The following CNTN5 variants were observed in gnomAD, a reference collection of about 807,000 sequenced individuals.
CNTN5 encodes contactin 5.
A neutral mutation model predicts 129.1 loss-of-function variants in CNTN5; 77 were observed. The ratio of observed to expected loss-of-function variants is 0.60; its 90% CI spans 0.50 to 0.72. The LOEUF is 0.72. CNTN5 is among the 30% of genes least tolerant of loss of function. The pLI is 0.00. For missense variants in CNTN5, 1,478 were observed against 1,328.8 expected (o/e 1.11, Z -1.75); for synonymous variants, 509 against 465.6 (o/e 1.09, Z -1.20).
At chr11:99,202,028 A>G (rs1488150679) in intron 1 of CNTN5, among the ~76,000 whole-genome samples, 1 of 152,230 alleles carries the variant, frequency 6.6e-6, no homozygotes, top group Non-Finnish European at 1.5e-5. Context: ...TAGAAATGCC[A>G]CATTAAGATG....
intron 13 of CNTN5, among the ~76,000 whole-genome samples, chr11:100,079,778 C>G (rs537402718): frequency 8.5e-5 from 13 of 152,162 alleles, no homozygotes; most frequent in Non-Finnish European, 1.5e-4. Flanking sequence ...TAATAAACTC[C>G]AGAAGTACTA....
chr11:99,891,987 C>T (rs897253169), intron 6 of CNTN5, among the ~76,000 whole-genome samples: 1 of 152,186 alleles, frequency 6.6e-6, no homozygotes, highest in African/African-American at 2.4e-5. Flanking sequence ...TCCTCTCCAG[C>T]ATCTGTCGTT....
At chr11:99,028,605 C>A (rs1035339860) in intron 1 of CNTN5, among the ~76,000 whole-genome samples, 1 of 151,852 alleles carries the variant, frequency 6.6e-6, no homozygotes, top group African/African-American at 2.4e-5. Flanking sequence ...CCAAGATTCA[C>A]CTAACCACTT....
intron 1 of CNTN5, among the ~76,000 whole-genome samples, chr11:99,295,245 G>T (rs535363482): frequency 2.6e-5 from 4 of 152,300 alleles, no homozygotes; most frequent in African/African-American, 4.8e-5. Flanking sequence ...CTACTCACTT[G>T]ACTAAGTAGT....
intron 13 of CNTN5, among the ~76,000 whole-genome samples, chr11:100,169,985 C>T (rs2138402987): frequency 6.6e-6 from 1 of 151,966 alleles, no homozygotes; most frequent in African/African-American, 2.4e-5. Context: ...ATTTCTTATC[C>T]TTGAGGTCTT....
At chr11:99,680,386 T>C (rs1197970499) in intron 3 of CNTN5, among the ~76,000 whole-genome samples, 3 of 152,142 alleles carry the variant, frequency 2.0e-5, no homozygotes, top group Non-Finnish European at 2.9e-5. Flanking sequence ...AGTGCTCATA[T>C]ACCATTCCAA....
chr11:99,750,108 CTGTTA>C (rs1179826631), intron 3 of CNTN5, among the ~76,000 whole-genome samples: 1 of 152,126 alleles, frequency 6.6e-6, no homozygotes, highest in Middle Eastern at 3.2e-3. Flanking sequence ...ATTCTTGTGT[CTGTTA>C]TAATAGCTAG....
chr11:99,837,085 T>C (rs891001729), intron 4 of CNTN5, among the ~76,000 whole-genome samples: 2 of 152,156 alleles, frequency 1.3e-5, no homozygotes, highest in African/African-American at 4.8e-5. Flanking sequence ...TCCTGTCTTA[T>C]TTGTGACTGA....
At chr11:99,453,864 T>C (rs1037341333) in intron 2 of CNTN5, among the ~76,000 whole-genome samples, 1 of 152,174 alleles carries the variant, frequency 6.6e-6, no homozygotes, top group African/African-American at 2.4e-5. Flanking sequence ...CATATCTCCT[T>C]TGGGAATGGG....
intron 1 of CNTN5, among the ~76,000 whole-genome samples, chr11:99,081,113 T>C (rs1443702254): frequency 6.6e-6 from 1 of 151,914 alleles, no homozygotes; most frequent in Non-Finnish European, 1.5e-5. Flanking sequence ...GTTCATGGAA[T>C]AGTATTTAAA....
chr11:100,158,154 T>G (rs1454657320), intron 13 of CNTN5, among the ~76,000 whole-genome samples: 1 of 151,826 alleles, frequency 6.6e-6, no homozygotes, highest in Non-Finnish European at 1.5e-5. Context: ...AAAGATGAGT[T>G]GTTTGAACTA....
chr11:99,841,519 A>G (rs80265519), intron 4 of CNTN5, among the ~76,000 whole-genome samples: 2,572 of 151,850 alleles, frequency 0.017, 87 homozygotes, highest in East Asian at 0.13. Context: ...TAGATAATAT[A>G]TATACATATA....
intron 3 of CNTN5, among the ~76,000 whole-genome samples, chr11:99,753,127 T>C (rs908955002): frequency 4.2e-5 from 6 of 142,232 alleles, no homozygotes; most frequent in Non-Finnish European, 9.1e-5. Context: ...TGCTTTTTTT[T>C]TTTTTTTTTT....
chr11:100,116,674 A>G (rs544958533), intron 13 of CNTN5, among the ~76,000 whole-genome samples: 1 of 152,120 alleles, frequency 6.6e-6, no homozygotes, highest in African/African-American at 2.4e-5. Context: ...CTGTATAATG[A>G]TAATATAATA....
intron 7 of CNTN5, among the ~76,000 whole-genome samples, chr11:99,939,670 A>G (rs1311743239): frequency 6.6e-6 from 1 of 152,098 alleles, no homozygotes; most frequent in Non-Finnish European, 1.5e-5. Flanking sequence ...TAGGGCCCAA[A>G]TCACTACCAA....
intron 2 of CNTN5, among the ~76,000 whole-genome samples, chr11:99,327,715 T>C (rs1022864313): frequency 6.6e-6 from 1 of 152,228 alleles, no homozygotes; most frequent in African/African-American, 2.4e-5. Flanking sequence ...TTCATATACT[T>C]GCACCTAATC....
chr11:100,300,871 T>C (rs1414286296), intron 20 of CNTN5, among the ~76,000 whole-genome samples: 1 of 151,622 alleles, frequency 6.6e-6, no homozygotes, highest in Non-Finnish European at 1.5e-5. Context: ...TTATCTAATG[T>C]AAAGGTTAAA....
At chr11:99,875,115 G>C (rs898640974) in intron 6 of CNTN5, among the ~76,000 whole-genome samples, 3 of 152,082 alleles carry the variant, frequency 2.0e-5, no homozygotes, top group Admixed American at 1.3e-4. Context: ...GAGGATTATA[G>C]TTTTCTTAAT....
chr11:99,565,913 TTTAGGTC>T (rs1948990344), intron 3 of CNTN5, among the ~76,000 whole-genome samples: 1 of 152,308 alleles, frequency 6.6e-6, no homozygotes, highest in African/African-American at 2.4e-5. Flanking sequence ...ATGACATCCG[TTTAGGTC>T]ATACAGAGTG....
Sources: gnomAD v4.1 joint callset for allele counts (sites outside exome capture counted in the v4.1 genomes callset) on GRCh38, gnomAD v4.1.1 for gene constraint, MANE v1.5 for transcripts, NCBI Gene and HGNC (gene_info 2026-07-23, HGNC 2026-07-21) for gene names.